Variants in KDM6A observed in about 807,000 individuals in gnomAD.
KDM6A encodes the protein lysine demethylase 6A.
KDM6A carries 11 observed loss-of-function variants against 117.6 expected under a neutral mutation model. The ratio of observed to expected loss-of-function variants is 0.09; its 90% confidence interval spans 0.06 to 0.15. The LOEUF is 0.15. Among genes scored for constraint, KDM6A ranks in the 10% least tolerant of loss-of-function variants. KDM6A has a pLI of 1.00. For missense variants in KDM6A, 799 were observed against 1,077.3 expected, an observed-to-expected ratio of 0.74 and a Z score of 3.62; for synonymous variants, 384 against 396.1, an observed-to-expected ratio of 0.97 and a Z score of 0.36.
At chrX:44,917,793 T>C (rs1435636084) in intron 2 of KDM6A, among the ~76,000 whole-genome samples, 3 of 112,454 alleles carry the variant, frequency 2.7e-5, no homozygotes, top group Non-Finnish European at 3.8e-5. Context: ...TTGTTAAGTT[T>C]TATTTTTAAT....
rs2148117604 is a variant in KDM6A at position 45,079,140 on chromosome X, A to C, written c.3095-6A>C. The C allele has an allele frequency of 6.8e-6, 8 of 1,181,845 alleles. No homozygotes were observed. The highest frequency in any genetic ancestry group is 8.1e-6 in the Non-Finnish European group (7 of 868,515). ...ATTTTTTAACTACATTTATGTATTC[A>C]TGAAGACCTGGGACTTTTCTCTACT... On this transcript the variant is annotated splice_polypyrimidine_tract_variant and splice_region_variant and intron_variant, in intron 20 of 29. Coordinates refer to ENST00000611820, the MANE Select transcript of KDM6A (RefSeq NM_001291415.2).
chrX:44,958,194 T>G (rs1342417497), intron 2 of KDM6A, among the ~76,000 whole-genome samples: 1 of 108,228 alleles, frequency 9.2e-6, no homozygotes, highest in Non-Finnish European at 1.9e-5. Flanking sequence ...TTTTTTTTTT[T>G]TTTTTGAGGC....
intron 8 of KDM6A, among the ~76,000 whole-genome samples, chrX:45,038,424 A>G (rs2042907657): frequency 9.0e-6 from 1 of 111,118 alleles, no homozygotes; most frequent in Non-Finnish European, 1.9e-5. Context: ...ATTATTGGAA[A>G]GGCATCAAGA....
intron 18 of KDM6A, among the ~76,000 whole-genome samples, chrX:45,074,477 T>C (rs757146849): frequency 4.5e-5 from 5 of 112,200 alleles, no homozygotes; most frequent in African/African-American, 1.6e-4. Context: ...CAGAGCACTA[T>C]AGATACCATC....
intron 5 of KDM6A, among the ~76,000 whole-genome samples, chrX:45,017,813 A>G (rs2042026743): frequency 8.9e-6 from 1 of 112,031 alleles, no homozygotes; most frequent in Non-Finnish European, 1.9e-5. Context: ...GCACACTGAT[A>G]GGTAGTGAAT....
intron 19 of KDM6A, among the ~76,000 whole-genome samples, chrX:45,077,789 A>G (rs1432171578): frequency 9.0e-6 from 1 of 111,659 alleles, no homozygotes; most frequent in Non-Finnish European, 1.9e-5. Flanking sequence ...TTAAAAACAC[A>G]TAGCATAAAA....
intron 2 of KDM6A, among the ~76,000 whole-genome samples, chrX:44,938,947 T>C (rs2037134137): frequency 1.8e-5 from 2 of 112,387 alleles, no homozygotes; most frequent in South Asian, 7.3e-4. Context: ...GTAAGTCCAC[T>C]GTTGATACCT....
chrX:44,880,790 TCAAA>T (rs1439060811), intron 2 of KDM6A, among the ~76,000 whole-genome samples: 12 of 65,862 alleles, frequency 1.8e-4, no homozygotes, highest in South Asian at 1.0e-3. Context: ...TGTCTCCATC[TCAAA>T]CAAACAAACA....
chrX:44,911,680 G>A (rs766484597), intron 2 of KDM6A, among the ~76,000 whole-genome samples: 2 of 111,757 alleles, frequency 1.8e-5, no homozygotes, highest in East Asian at 5.7e-4. Flanking sequence ...GCAGGCGGCT[G>A]GGAGGTGGAG....
At chrX:44,935,655 G>C (rs144785663) in intron 2 of KDM6A, among the ~76,000 whole-genome samples, 1 of 111,002 alleles carries the variant, frequency 9.0e-6, no homozygotes, top group Non-Finnish European at 1.9e-5. Flanking sequence ...AACCTAGCCC[G>C]TCAGGTTTCA....
intron 2 of KDM6A, among the ~76,000 whole-genome samples, chrX:44,894,307 A>G (rs1382168281): frequency 1.8e-5 from 2 of 111,890 alleles, no homozygotes; most frequent in Non-Finnish European, 3.8e-5. Context: ...AATGTTCATT[A>G]GAATTGTTTG....
At chrX:45,016,328 AAAAT>A (rs761154491) in intron 5 of KDM6A, among the ~76,000 whole-genome samples, 3 of 111,615 alleles carry the variant, frequency 2.7e-5, no homozygotes, top group Non-Finnish European at 5.6e-5. Context: ...AATTAGAGCT[AAAAT>A]ATTCTTTTAT....
At chrX:44,900,958 T>C (rs2034302979) in intron 2 of KDM6A, among the ~76,000 whole-genome samples, 1 of 112,826 alleles carries the variant, frequency 8.9e-6, no homozygotes, top group Non-Finnish European at 1.9e-5. Context: ...CTTTGATCCA[T>C]TAGTTATTTT....
intron 15 of KDM6A, 86 bp from the exon 16 acceptor site, chrX:45,062,561 G>A (rs949238089): frequency 1.2e-5 from 8 of 667,264 alleles, no homozygotes; most frequent in Middle Eastern, 9.2e-4. Context: ...TCTGAGTTTA[G>A]TCATTTCAGG....
At chrX:45,085,086 G>A (rs1265955143) in intron 24 of KDM6A, among the ~76,000 whole-genome samples, 3 of 111,728 alleles carry the variant, frequency 2.7e-5, no homozygotes, top group Non-Finnish European at 5.6e-5. Context: ...CAGGTAAAGT[G>A]CAAAGAGTTC....
chrX:44,957,514 G>A (rs985175375), intron 2 of KDM6A, among the ~76,000 whole-genome samples: 1 of 111,977 alleles, frequency 8.9e-6, no homozygotes, highest in Non-Finnish European at 1.9e-5. Flanking sequence ...TGGGATAGCT[G>A]ATTTTTAAAA....
intron 2 of KDM6A, among the ~76,000 whole-genome samples, chrX:44,882,163 C>T (rs1394051182): frequency 9.0e-6 from 1 of 111,497 alleles, no homozygotes; most frequent in Non-Finnish European, 1.9e-5. Context: ...AAATTTATTA[C>T]GTGTTCATTA....
intron 8 of KDM6A, among the ~76,000 whole-genome samples, chrX:45,040,900 G>T (rs1190757145): frequency 5.0e-5 from 4 of 79,853 alleles, no homozygotes; most frequent in Non-Finnish European, 9.9e-5. Flanking sequence ...CCCGGACGGG[G>T]CGGCTGGCCG....
chrX:45,087,303 A>G (rs1302004240), intron 25 of KDM6A, among the ~76,000 whole-genome samples: 2 of 113,302 alleles, frequency 1.8e-5, no homozygotes, highest in African/African-American at 3.2e-5. Context: ...ACTAACTTCT[A>G]ATTTCTTACT....
Sources: gnomAD v4.1 joint callset for allele counts (sites outside exome capture counted in the v4.1 genomes callset) on GRCh38, gnomAD v4.1.1 for gene constraint, MANE v1.5 for transcripts, NCBI Gene and HGNC (gene_info 2026-07-23, HGNC 2026-07-21) for gene names.